The following ITCH variants were observed in gnomAD, a reference collection of about 807,000 sequenced individuals.
The protein encoded by ITCH is itchy E3 ubiquitin protein ligase, also known as E3 ubiquitin-protein ligase Itchy homolog.
A neutral mutation model predicts 126.8 loss-of-function variants in ITCH; 28 were observed. The observed-to-expected ratio is 0.22, with a 90% CI of 0.16 to 0.30. The LOEUF (loss-of-function observed/expected upper bound fraction) is 0.30, where lower values mean the gene tolerates loss of function less well. Among genes scored for constraint, ITCH ranks in the 10% least tolerant of loss-of-function variants. ITCH has a pLI of 1.00. For missense variants in ITCH, 631 were observed against 1,032.4 expected (o/e 0.61, Z 5.33); for synonymous variants, 342 against 340.0 (o/e 1.01, Z -0.06).
chr20:34,501,777 CA>C (rs11480340), intron 23 of ITCH, among the ~76,000 whole-genome samples: 64 of 104,526 alleles, frequency 6.1e-4, no homozygotes, highest in African/African-American at 8.4e-4. Flanking sequence ...CTCCATCTCT[CA>C]AAAAAAAAAA....
intron 16 of ITCH, among the ~76,000 whole-genome samples, chr20:34,472,888 A>T (rs1321619859): frequency 6.6e-6 from 1 of 152,144 alleles, no homozygotes; most frequent in Non-Finnish European, 1.5e-5. Flanking sequence ...TTCTAATTTT[A>T]TGTTCATAAC....
chr20:34,487,767 C>T (rs187949614), intron 20 of ITCH, among the ~76,000 whole-genome samples: 4 of 152,076 alleles, frequency 2.6e-5, no homozygotes, highest in Admixed American at 6.5e-5. Context: ...GATGAAACCC[C>T]GTCTCTACTA....
intron 11 of ITCH, 45 bp from the exon 12 acceptor site, chr20:34,449,366 G>A (rs775796959): frequency 3.9e-5 from 45 of 1,160,854 alleles, no homozygotes; most frequent in Admixed American, 3.2e-4. Context: ...TGTCAGATAA[G>A]TTGTTAAGTT....
intron 23 of ITCH, among the ~76,000 whole-genome samples, chr20:34,499,465 A>T (rs1321645534): frequency 2.7e-5 from 4 of 150,166 alleles, no homozygotes; most frequent in Non-Finnish European, 5.9e-5. Flanking sequence ...CAATTTCCAT[A>T]GGTTTTCTAA....
At chr20:34,390,317 G>A (rs2038439088) in intron 2 of ITCH, among the ~76,000 whole-genome samples, 1 of 151,988 alleles carries the variant, frequency 6.6e-6, no homozygotes, top group African/African-American at 2.4e-5. Context: ...TCAGTAATTT[G>A]CTCAAGTTCA....
intron 9 of ITCH, 184 bp from the exon 10 acceptor site, chr20:34,442,024 T>C: frequency 1.6e-6 from 1 of 628,208 alleles, no homozygotes; most frequent in East Asian, 2.9e-5. Context: ...ATTCACTGTG[T>C]GCCACTGCCT....
intron 2 of ITCH, among the ~76,000 whole-genome samples, chr20:34,387,905 A>G (rs937306369): frequency 3.3e-5 from 5 of 151,958 alleles, no homozygotes; most frequent in Admixed American, 1.3e-4. Context: ...GGGTTTCACC[A>G]TGTTGGACAG....
intron 17 of ITCH, among the ~76,000 whole-genome samples, chr20:34,478,538 G>A (rs772419965): frequency 3.3e-5 from 5 of 152,300 alleles, no homozygotes; most frequent in South Asian, 4.1e-4. Flanking sequence ...TTGGGGTCAA[G>A]ACGGGATTTG....
intron 3 of ITCH, among the ~76,000 whole-genome samples, chr20:34,404,149 C>T (rs1185190913): frequency 1.3e-5 from 2 of 151,958 alleles, no homozygotes; most frequent in South Asian, 4.1e-4. Context: ...TCATAGTAGC[C>T]CAGGTGTCAG....
intron 16 of ITCH, among the ~76,000 whole-genome samples, chr20:34,471,901 A>G (rs986869298): frequency 1.3e-5 from 2 of 152,160 alleles, no homozygotes; most frequent in African/African-American, 4.8e-5. Flanking sequence ...GAACATTATC[A>G]GATTGTAGAA....
intron 12 of ITCH, among the ~76,000 whole-genome samples, chr20:34,451,756 A>G (rs551983730): frequency 6.6e-6 from 1 of 152,216 alleles, no homozygotes; most frequent in South Asian, 2.1e-4. Context: ...TATCCAAAGG[A>G]TATGTATTTA....
At chr20:34,458,510 A>G (rs1294982849) in intron 13 of ITCH, among the ~76,000 whole-genome samples, 1 of 152,204 alleles carries the variant, frequency 6.6e-6, no homozygotes, top group South Asian at 2.1e-4. Flanking sequence ...AATAGTATGC[A>G]TATTAGTTTG....
Position 34,489,296 on chromosome 20 carries a change from T to G in ITCH, c.2124T>G (p.Gly708=), listed in dbSNP as rs774694544. ...TAGCTGAGTGGAGGTTGTCTCGAGGTGTTGAAGAACAGACACAAGCTTTCT... is the reference window on the plus strand; with the variant it reads ...TAGCTGAGTGGAGGTTGTCTCGAGGGGTTGAAGAACAGACACAAGCTTTCT... ...RMVAEWRLSR[G]VEEQTQAFFE... Residue 708 remains glycine, a synonymous_variant, in exon 21 of 25, where the codon GGT becomes GGG. Transcript: ENST00000374864. 6.2e-7 allele frequency: 1 copy of G among 1,613,688 alleles called. No individual in the cohort carries two copies. The highest frequency in any genetic ancestry group is 2.2e-5 in the East Asian group (1 of 44,844).
intron 13 of ITCH, among the ~76,000 whole-genome samples, chr20:34,458,162 G>A (rs57292900): frequency 0.07 from 10,645 of 152,088 alleles, 1,197 homozygotes; most frequent in African/African-American, 0.24. Flanking sequence ...TGGAAATTTA[G>A]TATCTTCTTC....
chr20:34,492,429 A>G (rs1989581055), intron 22 of ITCH, 72 bp from the exon 23 acceptor site: 1 of 1,000,830 alleles, frequency 1.0e-6, no homozygotes, highest in Non-Finnish European at 1.6e-6. Flanking sequence ...TGAAATCATT[A>G]TTTTTCTTTC....
intron 7 of ITCH, among the ~76,000 whole-genome samples, chr20:34,429,180 C>G (rs1411938803): frequency 6.6e-6 from 1 of 152,090 alleles, no homozygotes; most frequent in Non-Finnish European, 1.5e-5. Flanking sequence ...CTCAAGTGAT[C>G]TGCCCACCTC....
At chr20:34,500,705 A>G (rs1990191889) in intron 23 of ITCH, among the ~76,000 whole-genome samples, 1 of 152,172 alleles carries the variant, frequency 6.6e-6, no homozygotes, top group Admixed American at 6.6e-5. Flanking sequence ...TACTCCTGTC[A>G]TTTTTAAAAT....
chr20:34,489,165 T>G, intron 20 of ITCH, 101 bp from the exon 21 acceptor site: 1 of 957,794 alleles, frequency 1.0e-6, no homozygotes, highest in South Asian at 1.7e-5. Context: ...TTTTTGAATA[T>G]ATTTTAAGTT....
rs1024047075 is a variant in ITCH at position 34,511,539 on chromosome 20, T to A, written c.*3745T>A. On this transcript the variant is annotated 3_prime_UTR_variant, in exon 25 of 25. Coordinates refer to ENST00000374864, the MANE Select transcript of ITCH (RefSeq NM_031483.7). ...GTGGCAAGTTACAGCCCATCTGGAT[T>A]GTGGTATTGTTCCCAGACCAAATCA... The A allele has an allele frequency of 3.3e-5, 5 of 152,118 alleles. No individual in the cohort carries two copies. Among genetic ancestry groups the A allele is most frequent in the Admixed American group, 2.0e-4 (3 of 15,264 alleles). The allele number at this position is 152,118 out of a possible 1,614,324, so 9.4% of individuals were successfully genotyped here.
Sources: allele counts gnomAD v4.1 joint callset (sites outside exome capture counted in the v4.1 genomes callset), GRCh38; gene constraint gnomAD v4.1.1; transcripts MANE v1.5; gene names NCBI Gene and HGNC (gene_info 2026-07-23, HGNC 2026-07-21).